Variants in LEKR1 observed in about 807,000 individuals in gnomAD.
LEKR1 encodes the protein protein LEKR1.
A neutral mutation model predicts 72.4 loss-of-function variants in LEKR1; 59 were observed. That is an observed-to-expected ratio of 0.82 (90% CI 0.66 to 1.01). The LOEUF is 1.01. Among genes scored for constraint, LEKR1 ranks in the 50% least tolerant of loss-of-function variants. The pLI, the probability that LEKR1 is intolerant of heterozygous loss-of-function variation, is 0.00. For synonymous variants in LEKR1, 257 were observed against 263.2 expected (o/e 0.98, Z 0.23); for missense variants, 728 against 759.2 (o/e 0.96, Z 0.48).
At chr3:157,003,843 A>G (rs1269069444) in intron 9 of LEKR1, among the ~76,000 whole-genome samples, 1 of 152,200 alleles carries the variant, frequency 6.6e-6, no homozygotes, top group Non-Finnish European at 1.5e-5. Flanking sequence ...ACAAAGAGTT[A>G]TAGCTAATAA....
At chr3:157,027,029 C>T (rs1191801030) in intron 11 of LEKR1, among the ~76,000 whole-genome samples, 1 of 152,094 alleles carries the variant, frequency 6.6e-6, no homozygotes, top group Non-Finnish European at 1.5e-5. Context: ...CATGTGGCTG[C>T]AAAAGTTTCC....
intron 1 of LEKR1, 44 bp from the exon 2 acceptor site, chr3:156,829,242 C>A: frequency 1.4e-6 from 1 of 735,886 alleles, no homozygotes; most frequent in Non-Finnish European, 2.3e-6. Flanking sequence ...TTTGAATGTT[C>A]TCTACATTAT....
At chr3:156,843,480 A>C (rs1464800154) in intron 2 of LEKR1, among the ~76,000 whole-genome samples, 14 of 152,146 alleles carry the variant, frequency 9.2e-5, no homozygotes, top group Admixed American at 9.2e-4. Context: ...AAAAGTAAAA[A>C]AAAAGAGACC....
At chr3:156,836,695 A>G (rs1369938399) in intron 2 of LEKR1, among the ~76,000 whole-genome samples, 2 of 152,218 alleles carry the variant, frequency 1.3e-5, no homozygotes, top group East Asian at 3.8e-4. Flanking sequence ...CTCCAAAGAG[A>G]CAGCAAGCAT....
intron 3 of LEKR1, among the ~76,000 whole-genome samples, chr3:156,856,554 T>G (rs1716084836): frequency 6.6e-6 from 1 of 152,126 alleles, no homozygotes. Context: ...ATTGACATCT[T>G]TATAATCTTA....
chr3:156,866,688 T>C (rs1717347273), intron 3 of LEKR1, among the ~76,000 whole-genome samples: 1 of 152,000 alleles, frequency 6.6e-6, no homozygotes, highest in Admixed American at 6.6e-5. Context: ...TTTATGATTG[T>C]AAATCAGTGG....
chr3:156,848,094 CTTACAG>C (rs1714853108), intron 2 of LEKR1, among the ~76,000 whole-genome samples: 1 of 152,134 alleles, frequency 6.6e-6, no homozygotes, highest in South Asian at 2.1e-4. Context: ...ATGAAAGTGA[CTTACAG>C]TAAGCAACAA....
intron 7 of LEKR1, 24 bp downstream of exon 7, chr3:156,979,299 C>T (rs1290205078): frequency 1.8e-6 from 2 of 1,103,356 alleles, no homozygotes; most frequent in Non-Finnish European, 2.4e-6. Context: ...TATTAAACAA[C>T]TTATAACAGT....
intron 3 of LEKR1, among the ~76,000 whole-genome samples, chr3:156,860,896 C>T (rs1716687348): frequency 6.6e-6 from 1 of 152,170 alleles, no homozygotes; most frequent in Non-Finnish European, 1.5e-5. Context: ...ATGATTTCAT[C>T]ATGGCTTCTG....
intron 6 of LEKR1, among the ~76,000 whole-genome samples, chr3:156,960,548 A>G (rs1283935151): frequency 6.6e-6 from 1 of 152,140 alleles, no homozygotes; most frequent in Middle Eastern, 3.2e-3. Context: ...GGCCTCTCAA[A>G]GTACTGGGAT....
chr3:156,856,821 C>T (rs1417240572), intron 3 of LEKR1, among the ~76,000 whole-genome samples: 2 of 151,972 alleles, frequency 1.3e-5, no homozygotes, highest in Non-Finnish European at 2.9e-5. Context: ...ATGTTTATAA[C>T]ACACACATAC....
intron 6 of LEKR1, among the ~76,000 whole-genome samples, chr3:156,952,790 A>T (rs1307411168): frequency 6.6e-6 from 1 of 151,538 alleles, no homozygotes; most frequent in African/African-American, 2.4e-5. Context: ...TAATACCAAA[A>T]GACTGCAAGC....
chr3:156,982,897 AGATAGATAGATG>A (rs765127734), intron 7 of LEKR1, among the ~76,000 whole-genome samples: 3,637 of 150,352 alleles, frequency 0.024, 63 homozygotes, highest in Non-Finnish European at 0.039. Context: ...ATAGATAGAT[AGATAGATAGATG>A]GAAGAGCTAG....
intron 9 of LEKR1, among the ~76,000 whole-genome samples, chr3:156,999,403 C>T (rs908156969): frequency 6.6e-6 from 1 of 152,134 alleles, no homozygotes; most frequent in Non-Finnish European, 1.5e-5. Context: ...TCTCTCCTCC[C>T]CTCCCTTTTT....
intron 6 of LEKR1, among the ~76,000 whole-genome samples, chr3:156,956,075 G>T (rs2107979895): frequency 6.6e-6 from 1 of 151,902 alleles, no homozygotes; most frequent in East Asian, 1.9e-4. Flanking sequence ...GTAATTTATT[G>T]AAAGGATATT....
chr3:156,952,769 T>C (rs1403065756), intron 6 of LEKR1, among the ~76,000 whole-genome samples: 1 of 151,542 alleles, frequency 6.6e-6, no homozygotes, highest in African/African-American at 2.4e-5. Context: ...AAGTTATTCT[T>C]TGAAGCATAG....
chr3:156,957,382 A>G (rs1266767073), intron 6 of LEKR1, among the ~76,000 whole-genome samples: 1 of 152,036 alleles, frequency 6.6e-6, no homozygotes, highest in African/African-American at 2.4e-5. Context: ...TGGAAATATG[A>G]GAATAAATTT....
At chr3:157,042,139 A>G (rs1443527148) in intron 12 of LEKR1, among the ~76,000 whole-genome samples, 2 of 151,762 alleles carry the variant, frequency 1.3e-5, no homozygotes, top group Non-Finnish European at 2.9e-5. Flanking sequence ...GGCAGATGAT[A>G]TGAAGATATT....
chr3:157,032,696 G>A (rs1249963088), intron 12 of LEKR1, among the ~76,000 whole-genome samples: 1 of 152,164 alleles, frequency 6.6e-6, no homozygotes, highest in Non-Finnish European at 1.5e-5. Flanking sequence ...GATTCAAAAT[G>A]GAGAAAATCT....
Sources: allele counts gnomAD v4.1 joint callset (sites outside exome capture counted in the v4.1 genomes callset), GRCh38; gene constraint gnomAD v4.1.1; transcripts MANE v1.5; gene names NCBI Gene and HGNC (gene_info 2026-07-23, HGNC 2026-07-21).